The following CCDC192 variants were observed in gnomAD, a reference collection of about 807,000 sequenced individuals.
CCDC192 encodes the protein coiled-coil domain-containing protein 192.
At chr5:127,936,059 G>A (rs942275033) in intron 6 of CCDC192, among the ~76,000 whole-genome samples, 3 of 151,958 alleles carry the variant, frequency 2.0e-5, no homozygotes, top group African/African-American at 7.3e-5. Context: ...AGCCAAGATC[G>A]CACCATCGCA....
At chr5:127,911,336 G>T (rs1437064091) in intron 6 of CCDC192, among the ~76,000 whole-genome samples, 1 of 152,186 alleles carries the variant, frequency 6.6e-6, no homozygotes, top group East Asian at 1.9e-4. Flanking sequence ...GATTAATGCG[G>T]GGTGTTATGA....
intron 5 of CCDC192, among the ~76,000 whole-genome samples, chr5:127,869,260 G>T (rs1040965753): frequency 6.6e-6 from 1 of 152,146 alleles, no homozygotes; most frequent in Non-Finnish European, 1.5e-5. Context: ...GGAGGTGGAG[G>T]TTGCAGCGAG....
intron 5 of CCDC192, among the ~76,000 whole-genome samples, chr5:127,840,905 C>A (rs1750254128): frequency 6.6e-6 from 1 of 152,182 alleles, no homozygotes; most frequent in Non-Finnish European, 1.5e-5. Flanking sequence ...TGTAAAAGCA[C>A]TGGCACAGGC....
chr5:127,814,014 CT>C (rs1273412486), intron 5 of CCDC192, among the ~76,000 whole-genome samples: 1 of 152,150 alleles, frequency 6.6e-6, no homozygotes, highest in African/African-American at 2.4e-5. Context: ...GTTTCTCATC[CT>C]TCAGGCTTAG....
chr5:127,923,389 T>G (rs927777406), intron 6 of CCDC192, among the ~76,000 whole-genome samples: 1 of 151,770 alleles, frequency 6.6e-6, no homozygotes, highest in African/African-American at 2.4e-5. Flanking sequence ...TTTTTTTTTT[T>G]TTTCTTGAGA....
At chr5:127,837,946 C>T (rs1327423383) in intron 5 of CCDC192, among the ~76,000 whole-genome samples, 1 of 150,058 alleles carries the variant, frequency 6.7e-6, no homozygotes, top group Non-Finnish European at 1.5e-5. Flanking sequence ...TGAGATTGCA[C>T]CACTGCACTC....
intron 3 of CCDC192, chr5:127,784,853 T>C (rs1756446861): frequency 2.2e-6 from 1 of 457,106 alleles, no homozygotes; most frequent in Non-Finnish European, 4.3e-6. Flanking sequence ...GTTTGTGTTT[T>C]CTTGTTCCTG....
chr5:127,917,798 T>G (rs530755688), intron 6 of CCDC192, among the ~76,000 whole-genome samples: 128 of 152,170 alleles, frequency 8.4e-4, no homozygotes, highest in Non-Finnish European at 1.3e-3. Context: ...ATTATGAGAA[T>G]TACCTAAATG....
intron 6 of CCDC192, among the ~76,000 whole-genome samples, chr5:127,911,778 C>T (rs972475713): frequency 3.4e-5 from 5 of 147,982 alleles, no homozygotes; most frequent in African/African-American, 7.5e-5. Flanking sequence ...GTAATCATAG[C>T]TCTCTGCAGC....
intron 5 of CCDC192, among the ~76,000 whole-genome samples, chr5:127,846,894 G>T (rs1222442970): frequency 2.0e-5 from 3 of 148,468 alleles, no homozygotes; most frequent in African/African-American, 7.4e-5. Context: ...TAGAACTAAT[G>T]GGTTCCCACA....
intron 2 of CCDC192, among the ~76,000 whole-genome samples, chr5:127,720,203 T>G (rs2126797368): frequency 6.6e-6 from 1 of 152,334 alleles, no homozygotes; most frequent in South Asian, 2.1e-4. Flanking sequence ...AGTTAGTTAC[T>G]TCCAAGATAC....
intron 6 of CCDC192, among the ~76,000 whole-genome samples, chr5:127,890,371 A>G (rs1752698776): frequency 6.6e-6 from 1 of 151,064 alleles, no homozygotes; most frequent in African/African-American, 2.4e-5. Context: ...AAGCATCACT[A>G]TTGTAAAACC....
chr5:127,773,792 C>T (rs1383070220), intron 3 of CCDC192, among the ~76,000 whole-genome samples: 1 of 152,112 alleles, frequency 6.6e-6, no homozygotes, highest in African/African-American at 2.4e-5. Context: ...AGTAGAATTG[C>T]TGGATCACAT....
In CCDC192 at chr5:127,832,340, C is replaced by T. The variant is rs369217692; in HGVS notation, c.411+34178C>T. On this transcript the variant is annotated intron_variant, in intron 5 of 6. Transcript: ENST00000514853. Reference sequence around the variant, plus strand: ...TAGAGCCATGAGGCAAACTCGGATTCGGATGAAAATGCATGTGTCCTCTAT... The same window carrying T: ...TAGAGCCATGAGGCAAACTCGGATTTGGATGAAAATGCATGTGTCCTCTAT... Among the ~76,000 whole-genome samples the T allele has an allele frequency of 9.9e-5, 15 of 152,284 alleles. No homozygotes were observed. The South Asian group carries it at 2.3e-3, about 23-fold the overall frequency.
At chr5:127,771,304 A>T (rs543133336) in intron 3 of CCDC192, among the ~76,000 whole-genome samples, 1 of 152,348 alleles carries the variant, frequency 6.6e-6, no homozygotes. Flanking sequence ...AATCTAGTTT[A>T]TGTGAAACAG....
chr5:127,730,620 T>C (rs560753169), intron 2 of CCDC192, among the ~76,000 whole-genome samples: 3 of 152,234 alleles, frequency 2.0e-5, no homozygotes, highest in Admixed American at 2.0e-4. Context: ...AAATCCTCAA[T>C]AAAATACTGG....
chr5:127,905,540 C>G (rs898398975), intron 6 of CCDC192, among the ~76,000 whole-genome samples: 3 of 152,136 alleles, frequency 2.0e-5, no homozygotes, highest in Non-Finnish European at 4.4e-5. Flanking sequence ...ATGTCAAGTT[C>G]ACAATTTATG....
chr5:127,731,126 A>C (rs1448819951), intron 2 of CCDC192, among the ~76,000 whole-genome samples: 1 of 152,212 alleles, frequency 6.6e-6, no homozygotes, highest in Non-Finnish European at 1.5e-5. Flanking sequence ...CCACCATCTC[A>C]GCCTCAAAGC....
At chr5:127,735,930 T>C (rs1273474962) in intron 2 of CCDC192, among the ~76,000 whole-genome samples, 2 of 130,064 alleles carry the variant, frequency 1.5e-5, no homozygotes, top group Non-Finnish European at 3.1e-5. Flanking sequence ...TTCTTTCTCC[T>C]GCCTAATTGC....
Sources: gnomAD v4.1 joint callset for allele counts (sites outside exome capture counted in the v4.1 genomes callset) on GRCh38, gnomAD v4.1.1 for gene constraint, MANE v1.5 for transcripts, NCBI Gene and HGNC (gene_info 2026-07-23, HGNC 2026-07-21) for gene names.